SNTG1: variants seen among roughly 807,000 people sequenced by gnomAD.
SNTG1 encodes the protein syntrophin gamma 1.
In SNTG1, 39 loss-of-function variants were observed where a neutral mutation model predicts 74.7. The observed-to-expected ratio is 0.52, with a 90% confidence interval of 0.40 to 0.68. The LOEUF (loss-of-function observed/expected upper bound fraction) is 0.68. SNTG1 is among the 30% of genes least tolerant of loss of function. The pLI is 0.00. For synonymous variants in SNTG1, 254 were observed against 217.1 expected (o/e 1.17, Z -1.49); for missense variants, 685 against 609.5 (o/e 1.12, Z -1.30).
At chr8:50,576,461 T>G (rs909216177) in intron 12 of SNTG1, among the ~76,000 whole-genome samples, 4 of 152,176 alleles carry the variant, frequency 2.6e-5, no homozygotes, top group Non-Finnish European at 5.9e-5. Flanking sequence ...CCCTTGAGAT[T>G]CCACGCAAAT....
intron 3 of SNTG1, among the ~76,000 whole-genome samples, chr8:50,400,861 G>A (rs1489036102): frequency 6.6e-6 from 1 of 152,072 alleles, no homozygotes; most frequent in African/African-American, 2.4e-5. Context: ...CAGATGGGAG[G>A]AATAAGCTCT....
chr8:50,540,930 A>G (rs150785144), intron 11 of SNTG1, among the ~76,000 whole-genome samples: 7 of 151,992 alleles, frequency 4.6e-5, no homozygotes, highest in Non-Finnish European at 1.0e-4. Flanking sequence ...TCTATATATT[A>G]TACATATATT....
chr8:49,998,692 C>G (rs991209413), intron 1 of SNTG1, among the ~76,000 whole-genome samples: 2 of 151,724 alleles, frequency 1.3e-5, no homozygotes, highest in African/African-American at 4.8e-5. Flanking sequence ...CATCTTGTCC[C>G]CCTGGAAGGT....
chr8:50,406,148 TTAATAA>T (rs1215419786), intron 4 of SNTG1, among the ~76,000 whole-genome samples: 5 of 152,118 alleles, frequency 3.3e-5, no homozygotes, highest in Non-Finnish European at 7.4e-5. Flanking sequence ...TATGGACATC[TTAATAA>T]TAGTAAGTTT....
intron 4 of SNTG1, among the ~76,000 whole-genome samples, chr8:50,437,214 A>T (rs907861240): frequency 1.3e-5 from 2 of 152,194 alleles, no homozygotes; most frequent in African/African-American, 4.8e-5. Context: ...ACTCATTTGC[A>T]TTCAATAGTA....
At chr8:50,115,902 T>G (rs2080804388) in intron 1 of SNTG1, among the ~76,000 whole-genome samples, 1 of 152,058 alleles carries the variant, frequency 6.6e-6, no homozygotes, top group Admixed American at 6.6e-5. Flanking sequence ...GAGAGAATTT[T>G]GTTTTAAAGT....
chr8:50,678,057 T>C (rs544990663), intron 15 of SNTG1, among the ~76,000 whole-genome samples: 2 of 152,094 alleles, frequency 1.3e-5, no homozygotes, highest in African/African-American at 4.8e-5. Context: ...TATACCTATG[T>C]AACAAACCTG....
intron 1 of SNTG1, among the ~76,000 whole-genome samples, chr8:50,101,144 G>A (rs182572132): frequency 6.6e-6 from 1 of 152,146 alleles, no homozygotes; most frequent in Non-Finnish European, 1.5e-5. Flanking sequence ...GTATTCCATG[G>A]TATATATGTA....
At chr8:50,623,880 CT>C (rs145037329) in intron 13 of SNTG1, among the ~76,000 whole-genome samples, 6,538 of 151,768 alleles carry the variant, frequency 0.043, 244 homozygotes, top group African/African-American at 0.094. Flanking sequence ...TTTATTATCT[CT>C]TTTTTTAAAC....
intron 15 of SNTG1, among the ~76,000 whole-genome samples, chr8:50,673,810 G>T (rs1161647734): frequency 6.6e-6 from 1 of 151,936 alleles, no homozygotes; most frequent in Non-Finnish European, 1.5e-5. Flanking sequence ...ATCTGTTGTG[G>T]GTTTGTCACA....
At chr8:50,357,956 T>A (rs539034923) in intron 2 of SNTG1, among the ~76,000 whole-genome samples, 54 of 152,186 alleles carry the variant, frequency 3.5e-4, no homozygotes, top group South Asian at 3.3e-3. Context: ...TTAGAAGTTT[T>A]ATTTGTTTTC....
chr8:50,536,732 C>A lies in SNTG1; in HGVS notation c.604C>A (p.Arg202=). ...GTCTCCAGGCTTGAGGTGGGAGAAG[C>A]GATGGTGCGACCTCAGACTGATCCC... ...PTSPGLRWEK[R]WCDLRLIPLL... is the part of the protein sequence containing the mutation. Residue 202 remains arginine (R), a synonymous_variant, in exon 11 of 19, where the codon CGA becomes AGA. Coordinates refer to ENST00000642720, the MANE Select transcript of SNTG1 (RefSeq NM_018967.5). 1 of 1,613,930 alleles carries A rather than the reference C, an allele frequency of 6.2e-7. No homozygotes were observed. Among genetic ancestry groups the A allele is most frequent in the East Asian group, 2.2e-5 (1 of 44,872 alleles).
At chr8:50,730,138 T>C (rs1296361165) in intron 17 of SNTG1, among the ~76,000 whole-genome samples, 1 of 152,110 alleles carries the variant, frequency 6.6e-6, no homozygotes, top group East Asian at 1.9e-4. Flanking sequence ...ACTTTGGAAA[T>C]GATAAGGTTT....
chr8:49,913,802 C>A (rs778506189), intron 1 of SNTG1, among the ~76,000 whole-genome samples: 1 of 152,052 alleles, frequency 6.6e-6, no homozygotes, highest in Non-Finnish European at 1.5e-5. Context: ...TTTTGGCTGT[C>A]AATTAATTAA....
intron 1 of SNTG1, among the ~76,000 whole-genome samples, chr8:50,096,379 A>G (rs1282454207): frequency 1.3e-5 from 2 of 152,182 alleles, no homozygotes; most frequent in African/African-American, 4.8e-5. Context: ...GCTTCTGCAA[A>G]ACATAAAGAA....
At chr8:50,651,378 G>A (rs1431056810) in intron 13 of SNTG1, among the ~76,000 whole-genome samples, 1 of 151,982 alleles carries the variant, frequency 6.6e-6, no homozygotes, top group African/African-American at 2.4e-5. Flanking sequence ...AAAGCCCAAG[G>A]TTAGCCTTTG....
chr8:50,279,999 G>A (rs903756704), intron 2 of SNTG1, among the ~76,000 whole-genome samples: 3 of 152,056 alleles, frequency 2.0e-5, no homozygotes, highest in Admixed American at 1.3e-4. Context: ...CTTACAAAAG[G>A]GTAACTTCTA....
At chr8:50,211,195 ATAACT>A in intron 2 of SNTG1, among the ~76,000 whole-genome samples, 1 of 152,282 alleles carries the variant, frequency 6.6e-6, no homozygotes, top group African/African-American at 2.4e-5. Context: ...GGTAAAGTAC[ATAACT>A]TAGTGTAAAG....
chr8:50,144,365 G>A (rs2081780201), intron 1 of SNTG1, among the ~76,000 whole-genome samples: 1 of 152,142 alleles, frequency 6.6e-6, no homozygotes, highest in Non-Finnish European at 1.5e-5. Context: ...TAACCTAAGG[G>A]TGAAATGATA....
Sources: allele counts gnomAD v4.1 joint callset (sites outside exome capture counted in the v4.1 genomes callset), GRCh38; gene constraint gnomAD v4.1.1; transcripts MANE v1.5; gene names NCBI Gene and HGNC (gene_info 2026-07-23, HGNC 2026-07-21).